Variants in FRMPD4 observed in about 807,000 individuals in gnomAD.
The protein encoded by FRMPD4 is FERM and PDZ domain containing 4, also known as FERM and PDZ domain-containing protein 4.
In FRMPD4, 22 loss-of-function variants were observed where a neutral mutation model predicts 94.1. The observed-to-expected ratio is 0.23, with a 90% CI of 0.17 to 0.33. FRMPD4 has a LOEUF of 0.33. FRMPD4 is among the 10% of genes least tolerant of loss of function. The pLI, the probability that FRMPD4 is intolerant of heterozygous loss-of-function variation, is 1.00. For missense variants in FRMPD4, 1,111 were observed against 1,339.9 expected (o/e 0.83, Z 2.67); for synonymous variants, 631 against 548.6 (o/e 1.15, Z -2.10).
At chrX:12,378,436 G>C (rs1178404460) in intron 1 of FRMPD4, among the ~76,000 whole-genome samples, 1 of 112,551 alleles carries the variant, frequency 8.9e-6, no homozygotes, top group African/African-American at 3.2e-5. Flanking sequence ...AGACTCTGTA[G>C]GGCAGTGAAC....
intron 3 of FRMPD4, among the ~76,000 whole-genome samples, chrX:11,901,260 C>G (rs1011322460): frequency 9.0e-6 from 1 of 111,580 alleles, no homozygotes; most frequent in Non-Finnish European, 1.9e-5. Context: ...CCAACCTTCC[C>G]CTTCACTGAG....
intron 3 of FRMPD4, among the ~76,000 whole-genome samples, chrX:12,070,858 C>A (rs1453302227): frequency 8.9e-6 from 1 of 112,334 alleles, no homozygotes; most frequent in African/African-American, 3.2e-5. Context: ...AAAGCGCAAG[C>A]CTTCAAGCTT....
intron 2 of FRMPD4, among the ~76,000 whole-genome samples, chrX:12,518,349 G>T (rs934963745): frequency 1.2e-4 from 13 of 111,885 alleles, no homozygotes; most frequent in African/African-American, 3.9e-4. Context: ...TGCACAGATT[G>T]TGGAAAAAAC....
chrX:12,361,676 T>C (rs1366448131), intron 1 of FRMPD4, among the ~76,000 whole-genome samples: 1 of 112,258 alleles, frequency 8.9e-6, no homozygotes, highest in Admixed American at 9.5e-5. Flanking sequence ...TTTGGATATA[T>C]ATTTGAATAT....
chrX:12,202,994 G>A (rs1489223810), intron 1 of FRMPD4, among the ~76,000 whole-genome samples: 2 of 111,951 alleles, frequency 1.8e-5, no homozygotes, highest in Non-Finnish European at 3.8e-5. Flanking sequence ...CAGACTTCTG[G>A]CTTCCATACT....
chrX:12,575,723 A>C (rs2148368814), intron 2 of FRMPD4, among the ~76,000 whole-genome samples: 1 of 112,019 alleles, frequency 8.9e-6, no homozygotes, highest in East Asian at 2.8e-4. Context: ...AAGGGTCCTT[A>C]AATGTGCAAG....
chrX:12,719,606 T>C (rs2042179642), intron 16 of FRMPD4, among the ~76,000 whole-genome samples: 2 of 112,293 alleles, frequency 1.8e-5, no homozygotes, highest in Non-Finnish European at 3.8e-5. Context: ...ATTGGTCATT[T>C]TCTATTCCTG....
At chrX:12,571,806 C>T (rs1031621751) in intron 2 of FRMPD4, among the ~76,000 whole-genome samples, 2 of 112,294 alleles carry the variant, frequency 1.8e-5, no homozygotes, top group Non-Finnish European at 3.8e-5. Flanking sequence ...TTTCCCAGCT[C>T]TAAAGCTACA....
intron 3 of FRMPD4, among the ~76,000 whole-genome samples, chrX:11,899,219 T>A (rs183178121): frequency 9.0e-6 from 1 of 111,694 alleles, no homozygotes; most frequent in Non-Finnish European, 1.9e-5. Context: ...TGATTGAGAA[T>A]GTATTTGCTT....
intron 1 of FRMPD4, among the ~76,000 whole-genome samples, chrX:12,451,982 G>A (rs1436132437): frequency 1.8e-5 from 2 of 109,430 alleles, no homozygotes; most frequent in African/African-American, 6.7e-5. Context: ...TATACTATGA[G>A]ACATTATATG....
rs372711085 is a variant in FRMPD4, at chrX:12,608,217, T to C, written c.159-1504T>C. Among the ~76,000 whole-genome samples the C allele has an allele frequency of 5.3e-5, 6 of 112,319 alleles. No homozygotes were observed. The East Asian group carries it at 1.4e-3, about 26-fold the overall frequency. On this transcript the variant is annotated intron_variant, in intron 2 of 16. Transcript: ENST00000675598. ...GCATGAGTGAAGACTTCATCAAGAG[T>C]CATGGGAGTGAGTCTTTGGCCCAAC...
intron 1 of FRMPD4, among the ~76,000 whole-genome samples, chrX:12,150,070 G>A (rs1463465117): frequency 8.9e-6 from 1 of 112,633 alleles, no homozygotes; most frequent in Non-Finnish European, 1.9e-5. Context: ...TAGTATAAAT[G>A]TAACTTTTAT....
intron 1 of FRMPD4, among the ~76,000 whole-genome samples, chrX:12,331,742 T>A (rs1365703576): frequency 0.01 from 502 of 49,108 alleles, 14 homozygotes; most frequent in Non-Finnish European, 0.014. Context: ...AATATATAAT[T>A]TATATATTTA....
chrX:12,246,996 C>A (rs111877150), intron 1 of FRMPD4, among the ~76,000 whole-genome samples: 2 of 111,709 alleles, frequency 1.8e-5, no homozygotes, highest in African/African-American at 3.3e-5. Flanking sequence ...GCAATTGGTG[C>A]CAGTTGGACT....
chrX:12,107,999 G>A (rs2055315807), intron 3 of FRMPD4, among the ~76,000 whole-genome samples: 1 of 111,953 alleles, frequency 8.9e-6, no homozygotes, highest in Non-Finnish European at 1.9e-5. Context: ...AAAACACTCT[G>A]CAGGATATTA....
At chrX:11,847,849 A>G (rs1226692589) in intron 1 of FRMPD4, among the ~76,000 whole-genome samples, 1 of 80,521 alleles carries the variant, frequency 1.2e-5, no homozygotes, top group African/African-American at 5.1e-5. Context: ...ACATGGACAC[A>G]GGAAGGGGAA....
intron 3 of FRMPD4, among the ~76,000 whole-genome samples, chrX:12,063,839 A>G (rs1025014009): frequency 8.9e-6 from 1 of 112,751 alleles, no homozygotes; most frequent in Non-Finnish European, 1.9e-5. Flanking sequence ...TGTTATCTGT[A>G]TCTCCTTATT....
intron 1 of FRMPD4, among the ~76,000 whole-genome samples, chrX:12,273,796 T>C (rs1057215982): frequency 8.9e-6 from 1 of 112,616 alleles, no homozygotes; most frequent in Non-Finnish European, 1.9e-5. Flanking sequence ...ATTTTTCTCA[T>C]TGTACTGAGT....
chrX:11,913,787 G>T (rs2054008903), intron 3 of FRMPD4, among the ~76,000 whole-genome samples: 1 of 111,961 alleles, frequency 8.9e-6, no homozygotes, highest in African/African-American at 3.2e-5. Context: ...TAAAGATGAA[G>T]AATTCAAGAA....
Sources: allele counts gnomAD v4.1 joint callset (sites outside exome capture counted in the v4.1 genomes callset), GRCh38; gene constraint gnomAD v4.1.1; transcripts MANE v1.5; gene names NCBI Gene and HGNC (gene_info 2026-07-23, HGNC 2026-07-21).